The following FAHD2B variants were observed in gnomAD, a reference collection of about 807,000 sequenced individuals.
The protein encoded by FAHD2B is oxaloacetate tautomerase FAHD2B, mitochondrial.
Under a neutral mutation model 33.7 loss-of-function variants are expected in FAHD2B, and 26 were observed. The observed-to-expected ratio is 0.77, with a 90% CI of 0.57 to 1.07. The LOEUF (loss-of-function observed/expected upper bound fraction) is 1.07, where lower values mean the gene tolerates loss of function less well. Ranked by LOEUF, FAHD2B falls within the 50% of genes least tolerant of loss-of-function variation. FAHD2B has a pLI of 0.00. For missense variants in FAHD2B, 272 were observed against 388.1 expected (o/e 0.70, Z 2.51); for synonymous variants, 108 against 150.9 (o/e 0.72, Z 2.08).
downstream of FAHD2B, among the ~76,000 whole-genome samples, chr2:97,079,674 T>TG (rs2031581901): frequency 6.6e-6 from 1 of 151,596 alleles, no homozygotes; most frequent in Non-Finnish European, 1.5e-5. Context: ...TTCTTTTCTT[T>TG]TTTTTTTTGA....
chr2:97,082,453 A>C (rs2031680852), downstream of FAHD2B: 3 of 1,613,442 alleles, frequency 1.9e-6, no homozygotes, highest in South Asian at 3.3e-5. Context: ...GCCCAGGAAG[A>C]AGGGATCTTC....
At chr2:97,086,864 G>A (rs1167827685) in intron 4 of FAHD2B, 4 of 152,220 alleles carry the variant, frequency 2.6e-5, no homozygotes, top group African/African-American at 7.2e-5. Context: ...AGTACATGAT[G>A]AGCCTGGAAC....
downstream of FAHD2B, among the ~76,000 whole-genome samples, chr2:97,080,718 G>A (rs2031613388): frequency 6.6e-6 from 1 of 152,004 alleles, no homozygotes. Context: ...CCCTATACAT[G>A]AGCATGGAAT....
rs2153382480 is a variant in FAHD2B, at chr2:97,085,833, C to A, written c.551G>T (p.Gly184Val). Residue 184 changes from glycine to valine, a missense_variant, in exon 6 of 9, where the codon GGC (glycine) becomes GTC (valine). By Grantham distance (109) the Gly-to-Val change is moderately radical. Coordinates refer to ENST00000414820, the MANE Select transcript of FAHD2B (RefSeq NM_001320848.2). ...ACTCACGTCATGAGCCACAGTGAAGCCGGCCACGTGGGCCATGGCATCTGT... is the reference window on the plus strand; with the variant it reads ...ACTCACGTCATGAGCCACAGTGAAGACGGCCACGTGGGCCATGGCATCTGT... ...KATDAMAHVA[G>V]FTVAHDVSAR... The A allele has an allele frequency of 1.2e-6, 2 of 1,613,868 alleles. No individual in the cohort carries two copies. The highest frequency in any genetic ancestry group is 4.5e-5 in the East Asian group (2 of 44,884).
chr2:97,088,783 A>G (rs2032156850), intron 4 of FAHD2B, among the ~76,000 whole-genome samples: 2 of 151,984 alleles, frequency 1.3e-5, no homozygotes, highest in African/African-American at 2.4e-5. Flanking sequence ...TTCATATTAA[A>G]TATCATTCAA....
chr2:97,089,596 G>A lies in FAHD2B; in HGVS notation c.462+513C>T, dbSNP rs188362338. 1.3e-4 allele frequency among the ~76,000 whole-genome samples: 20 copies of A among 150,876 alleles called. No individual in the cohort carries two copies. The East Asian group carries it at 3.1e-3, about 23-fold the overall frequency. ...TTTTCTACATAAGGATGTTCATTGC[G>A]ACATTTATTTATAGAAACCAAAAAC... On this transcript the variant is annotated intron_variant, in intron 4 of 8. Coordinates refer to ENST00000414820, the MANE Select transcript of FAHD2B (RefSeq NM_001320848.2).
chr2:97,088,762 G>A (rs1351284719), intron 4 of FAHD2B, among the ~76,000 whole-genome samples: 1 of 151,894 alleles, frequency 6.6e-6, no homozygotes, highest in Non-Finnish European at 1.5e-5. Context: ...TCATCTTTGG[G>A]GCAACTGGAT....
At chr2:97,081,075 C>T, downstream of FAHD2B, 2 of 1,509,832 alleles carry the variant, frequency 1.3e-6, no homozygotes, top group Non-Finnish European at 1.8e-6. Context: ...ACGGCTCCTT[C>T]CTCATAATGG....
chr2:97,082,500 C>G, downstream of FAHD2B: 6 of 1,611,116 alleles, frequency 3.7e-6, no homozygotes, highest in South Asian at 6.6e-5. Context: ...CTCCTGCAGG[C>G]AGTGGTGTTT....
At chr2:97,083,160 G>A (rs58420365), downstream of FAHD2B, 8,558 of 1,590,162 alleles carry the variant, frequency 5.4e-3, 396 homozygotes, top group East Asian at 0.12. Context: ...AGCAGACGCC[G>A]AGCCCTGCAG....
In FAHD2B at chr2:97,084,041, G is replaced by A. The variant is rs1367328340; in HGVS notation, c.795-6C>T. 1 of 1,613,628 alleles carries A rather than the reference G, an allele frequency of 6.2e-7. No homozygotes were observed. The highest frequency in any genetic ancestry group is 8.5e-7 in the Non-Finnish European group (1 of 1,179,882). ...CTGGGTAAAAGGTAACAAACCTGGAGCAAAGCAAAAGGACCCAGTGAGACC... is the reference window on the plus strand; with the variant it reads ...CTGGGTAAAAGGTAACAAACCTGGAACAAAGCAAAAGGACCCAGTGAGACC... On this transcript the variant is annotated splice_polypyrimidine_tract_variant and splice_region_variant and intron_variant, in intron 7 of 8. Transcript: ENST00000414820.
downstream of FAHD2B, chr2:97,081,209 T>C (rs1408195187): frequency 6.7e-7 from 1 of 1,491,578 alleles, no homozygotes; most frequent in African/African-American, 1.4e-5. Flanking sequence ...CAGATCCTGC[T>C]GCTGATGCAC....
At chr2:97,092,866 G>A (rs1405022167) in intron 1 of FAHD2B, among the ~76,000 whole-genome samples, 1 of 150,854 alleles carries the variant, frequency 6.6e-6, no homozygotes, top group Non-Finnish European at 1.5e-5. Flanking sequence ...CCAGCTACTA[G>A]GGAAGCTGAG....
At chr2:97,090,426 A>C (rs2032268801) in intron 3 of FAHD2B, 101 bp from the exon 4 acceptor site, 7 of 1,470,408 alleles carry the variant, frequency 4.8e-6, no homozygotes, top group Non-Finnish European at 6.3e-6. Flanking sequence ...TTGCTTTTTG[A>C]AATCTATTTC....
At chr2:97,092,764 A>G (rs1400855324) in intron 1 of FAHD2B, among the ~76,000 whole-genome samples, 1 of 151,896 alleles carries the variant, frequency 6.6e-6, no homozygotes, top group Non-Finnish European at 1.5e-5. Context: ...TGAGGTCAGG[A>G]GTTCAAGACC....
At position 97,084,250 on chromosome 2, in the gene FAHD2B, C is replaced by T. The variant is rs769493043; in HGVS notation, c.713G>A (p.Arg238Gln). Residue 238 changes from arginine (R) to glutamine (Q), a missense_variant, in exon 7 of 9, where the codon CGA becomes CAA. Physicochemically the swap from Arg to Gln is conservative, Grantham distance 43 (BLOSUM62 1). Coordinates refer to ENST00000414820, the MANE Select transcript of FAHD2B (RefSeq NM_001320848.2). ...GCTCTGGACGACTTCCCCATTCACT[C>T]GGCAGCAGATCTTTAAGTTGTGTGG... ...ADPHNLKICC[R>Q]VNGEVVQSSN... 1.9e-5 allele frequency: 30 copies of T among 1,613,608 alleles called. No individual in the cohort carries two copies. The highest frequency in any genetic ancestry group is 1.8e-4 in the East Asian group (8 of 44,892).
chr2:97,083,587 G>A lies in FAHD2B; in HGVS notation c.*168C>T, dbSNP rs1422180670. The A allele has an allele frequency of 2.5e-6, 3 of 1,189,900 alleles. No individual in the cohort carries two copies. The Admixed American group carries it at 7.5e-5, about 30-fold the overall frequency. The allele number at this position is 1,189,900 out of a possible 1,614,324, so 73.7% of individuals were successfully genotyped here. The stretch of plus-strand genomic sequence containing the variant: ...GACAAACAGCACAAGCCAAGCTGCT[G>A]CTTTGACCCGACGCATTTATTGAAG... On this transcript the variant is annotated 3_prime_UTR_variant, in exon 9 of 9. Coordinates refer to ENST00000414820, the MANE Select transcript of FAHD2B (RefSeq NM_001320848.2).
chr2:97,093,761 C>T (rs1431632107), intron 1 of FAHD2B, among the ~76,000 whole-genome samples: 2 of 152,104 alleles, frequency 1.3e-5, no homozygotes, highest in East Asian at 1.9e-4. Flanking sequence ...GAGTGAGCCA[C>T]GGCGCCCGGC....
downstream of FAHD2B, among the ~76,000 whole-genome samples, chr2:97,079,461 C>T (rs988208100): frequency 6.6e-6 from 1 of 151,964 alleles, no homozygotes; most frequent in African/African-American, 2.4e-5. Flanking sequence ...TAATAATCAC[C>T]ATTCTGACTG....
Sources: allele counts gnomAD v4.1 joint callset (sites outside exome capture counted in the v4.1 genomes callset), GRCh38; gene constraint gnomAD v4.1.1; transcripts MANE v1.5; gene names NCBI Gene and HGNC (gene_info 2026-07-23, HGNC 2026-07-21).